The following FHIT variants were observed in gnomAD, a reference collection of about 807,000 sequenced individuals.
The protein encoded by FHIT is fragile histidine triad diadenosine triphosphatase.
FHIT carries 19 observed loss-of-function variants against 17.9 expected under a neutral mutation model. That is an observed-to-expected ratio of 1.06 (90% CI 0.74 to 1.56). FHIT has a LOEUF of 1.56. Ranked by LOEUF, FHIT falls within the 40% of genes most tolerant of loss-of-function variation. The pLI is 0.00. For synonymous variants in FHIT, 81 were observed against 69.7 expected (o/e 1.16, Z -0.81); for missense variants, 248 against 189.2 (o/e 1.31, Z -1.82).
chr3:61,247,571 T>C (rs1363168696), intron 1 of FHIT, among the ~76,000 whole-genome samples: 1 of 152,204 alleles, frequency 6.6e-6, no homozygotes, highest in African/African-American at 2.4e-5. Flanking sequence ...TCACTGTCTC[T>C]CTGCCCACAC....
chr3:60,264,405 A>G (rs1205690638), intron 5 of FHIT, among the ~76,000 whole-genome samples: 1 of 152,022 alleles, frequency 6.6e-6, no homozygotes, highest in Admixed American at 6.6e-5. Flanking sequence ...AGTAGCTAGA[A>G]AAGCTAAAGC....
intron 5 of FHIT, among the ~76,000 whole-genome samples, chr3:60,211,490 A>T (rs897370112): frequency 6.6e-6 from 1 of 152,180 alleles, no homozygotes; most frequent in Non-Finnish European, 1.5e-5. Context: ...AATCTCTATA[A>T]ATTGAAAGTA....
At chr3:59,931,765 G>C (rs572086974) in intron 7 of FHIT, among the ~76,000 whole-genome samples, 77 of 152,238 alleles carry the variant, frequency 5.1e-4, no homozygotes, top group African/African-American at 1.8e-3. Context: ...GTGTTTTTAA[G>C]CCATACATCA....
chr3:60,611,274 G>A (rs1429928583), intron 4 of FHIT, among the ~76,000 whole-genome samples: 2 of 152,168 alleles, frequency 1.3e-5, no homozygotes, highest in East Asian at 1.9e-4. Flanking sequence ...ATGAAAAAGA[G>A]GATTAGATTT....
chr3:61,245,488 C>A (rs751164529), intron 1 of FHIT, among the ~76,000 whole-genome samples: 52 of 152,160 alleles, frequency 3.4e-4, no homozygotes, highest in Non-Finnish European at 6.5e-4. Context: ...GATCCATGGA[C>A]CAGCAGCATC....
At position 61,174,779 on chromosome 3, in the gene FHIT, C is replaced by T. The variant is rs1018783620; in HGVS notation, c.-164+25838G>A. Among the ~76,000 whole-genome samples, 3 of 152,176 alleles carry T rather than the reference C, an allele frequency of 2.0e-5. No individual in the cohort carries two copies. In the South Asian group the frequency reaches 6.2e-4, roughly 32 times the overall value. On this transcript the variant is annotated intron_variant, in intron 2 of 9. Coordinates refer to ENST00000492590, the MANE Select transcript of FHIT (RefSeq NM_002012.4). ...AAATGCCTTGAAAATGTTGTAGCTACATAAATTAAATGGGCAATTAAGATG... is the reference window on the plus strand; with the variant it reads ...AAATGCCTTGAAAATGTTGTAGCTATATAAATTAAATGGGCAATTAAGATG...
At chr3:60,234,866 A>C (rs1704687284) in intron 5 of FHIT, among the ~76,000 whole-genome samples, 1 of 152,140 alleles carries the variant, frequency 6.6e-6, no homozygotes, top group African/African-American at 2.4e-5. Flanking sequence ...GGTAGACTTT[A>C]ATCCTTCTTT....
At chr3:60,857,503 A>C (rs565754828) in intron 3 of FHIT, among the ~76,000 whole-genome samples, 2 of 151,920 alleles carry the variant, frequency 1.3e-5, no homozygotes, top group Admixed American at 1.3e-4. Context: ...AAGCTTTTCA[A>C]TAAGGGTTTG....
chr3:61,042,084 A>G lies in FHIT; in HGVS notation c.-148T>C, dbSNP rs1053795802. On this transcript the variant is annotated 5_prime_UTR_variant, in exon 3 of 10. Transcript: ENST00000492590. ...TCTCTCCCTTCCACCGTCTGGATGT[A>G]GATAGCACTACGGACCTAGGGAAAG... 1 of 152,270 alleles carries G rather than the reference A, an allele frequency of 6.6e-6. No individual in the cohort carries two copies. Among genetic ancestry groups the G allele is most frequent in the African/African-American group, 2.4e-5 (1 of 41,470 alleles). The allele number at this position is 152,270 out of a possible 1,614,324, so 9.4% of individuals were successfully genotyped here.
At chr3:60,754,441 A>G (rs1485525768) in intron 4 of FHIT, among the ~76,000 whole-genome samples, 1 of 152,180 alleles carries the variant, frequency 6.6e-6, no homozygotes, top group Admixed American at 6.5e-5. Flanking sequence ...ATACTCTTAA[A>G]GGTATCTTGG....
At position 60,536,734 on chromosome 3, in the gene FHIT, AGGGAGATGGATTCT is replaced by A. The variant is rs1031057280; in HGVS notation, c.103+112_103+125del. The stretch of plus-strand genomic sequence containing the variant: ...TCTTACCTGGTGTCTCCGAAGTGGG[AGGGAGATGGATTCT>A]TTATTTACCTTTTTGGACAGACTGG... On this transcript the variant is annotated intron_variant, in intron 5 of 9. Coordinates refer to ENST00000492590, the MANE Select transcript of FHIT (RefSeq NM_002012.4). 138 of 967,566 alleles carry A rather than the reference AGGGAGATGGATTCT, an allele frequency of 1.4e-4. No homozygotes were observed. The African/African-American group carries it at 2.2e-3, about 15-fold the overall frequency. The allele number at this position is 967,566 out of a possible 1,614,324, so 59.9% of individuals were successfully genotyped here.
intron 8 of FHIT, among the ~76,000 whole-genome samples, chr3:59,920,616 C>T (rs1283234690): frequency 6.6e-6 from 1 of 152,144 alleles, no homozygotes. Flanking sequence ...CCTAAGGAAA[C>T]AGTGTTTTCA....
At chr3:60,791,323 T>C (rs116114386) in intron 4 of FHIT, among the ~76,000 whole-genome samples, 117 of 152,188 alleles carry the variant, frequency 7.7e-4, no homozygotes, top group African/African-American at 2.7e-3. Context: ...TCTTGCTACA[T>C]AAATCAGCAA....
chr3:60,527,067 CAT>C (rs2035603505), intron 5 of FHIT, among the ~76,000 whole-genome samples: 2 of 152,170 alleles, frequency 1.3e-5, no homozygotes, highest in Non-Finnish European at 2.9e-5. Flanking sequence ...TCTGTCCCCA[CAT>C]GTCAGCATTC....
intron 4 of FHIT, among the ~76,000 whole-genome samples, chr3:60,716,223 C>A (rs1401244966): frequency 3.9e-5 from 6 of 151,930 alleles, no homozygotes; most frequent in African/African-American, 1.5e-4. Context: ...CCAGCCTGGG[C>A]AACAGAGTAA....
intron 4 of FHIT, among the ~76,000 whole-genome samples, chr3:60,704,530 C>T (rs1559653150): frequency 6.6e-6 from 1 of 152,188 alleles, no homozygotes; most frequent in Non-Finnish European, 1.5e-5. Context: ...ATTAGTGCTG[C>T]ATCAGCACTT....
At chr3:60,295,634 G>C (rs192667359) in intron 5 of FHIT, among the ~76,000 whole-genome samples, 1 of 152,026 alleles carries the variant, frequency 6.6e-6, no homozygotes, top group Non-Finnish European at 1.5e-5. Flanking sequence ...TCTAACAGTG[G>C]GGATCAAATT....
In FHIT at chr3:61,088,504, G is replaced by C. The variant is rs537452949; in HGVS notation, c.-163-46405C>G. ...ATCCCTTGCTTTCTATGAAGATAAAGAGCCTTTGTGAAATTTTTAAAGTAT... is the reference window on the plus strand; with the variant it reads ...ATCCCTTGCTTTCTATGAAGATAAACAGCCTTTGTGAAATTTTTAAAGTAT... On this transcript the variant is annotated intron_variant, in intron 2 of 9. Coordinates refer to ENST00000492590, the MANE Select transcript of FHIT (RefSeq NM_002012.4). Among the ~76,000 whole-genome samples the C allele has an allele frequency of 1.3e-4, 20 of 152,208 alleles. No individual in the cohort carries two copies. In the South Asian group the frequency reaches 4.1e-3, roughly 32 times the overall value.
intron 4 of FHIT, among the ~76,000 whole-genome samples, chr3:60,578,036 A>G (rs1320393536): frequency 6.6e-6 from 1 of 152,136 alleles, no homozygotes; most frequent in Non-Finnish European, 1.5e-5. Flanking sequence ...CAAAGGGATA[A>G]CATGATTAAA....
Sources: allele counts gnomAD v4.1 joint callset (sites outside exome capture counted in the v4.1 genomes callset), GRCh38; gene constraint gnomAD v4.1.1; transcripts MANE v1.5; gene names NCBI Gene and HGNC (gene_info 2026-07-23, HGNC 2026-07-21).